COG3: variants seen among roughly 807,000 people sequenced by gnomAD.
COG3 encodes conserved oligomeric Golgi complex subunit 3.
Under a neutral mutation model 114.1 loss-of-function variants are expected in COG3, and 32 were observed. That is an observed-to-expected ratio of 0.28 (90% CI 0.21 to 0.38). The LOEUF is 0.38. Ranked by LOEUF, COG3 falls within the 10% of genes least tolerant of loss-of-function variation. The pLI is 1.00. For synonymous variants in COG3, 352 were observed against 365.7 expected, an observed-to-expected ratio of 0.96 and a Z score of 0.43; for missense variants, 813 against 973.2, an observed-to-expected ratio of 0.84 and a Z score of 2.19.
Position 45,465,141 on chromosome 13 carries a change from G to A in COG3, c.105G>A (p.Leu35=). 1.2e-6 allele frequency: 2 copies of A among 1,613,618 alleles called. No individual in the cohort carries two copies. The highest frequency in any genetic ancestry group is 1.7e-6 in the Non-Finnish European group (2 of 1,179,918). The stretch of plus-strand genomic sequence containing the variant: ...GGAGACCGGACACGACGGCGCCGCT[G>A]ACCGACAGGCAGACGGACTCGGTAT... ...WDRRPDTTAP[L]TDRQTDSVLE... Residue 35 remains leucine (L), a synonymous_variant, in exon 1 of 23, where the codon CTG becomes CTA. Transcript: ENST00000349995.
At chr13:45,509,870 A>G (rs1870663693) in intron 15 of COG3, 54 bp downstream of exon 15, 2 of 1,447,380 alleles carry the variant, frequency 1.4e-6, no homozygotes, top group Non-Finnish European at 1.9e-6. Context: ...ATATTTTTAA[A>G]TTTACATTTT....
intron 19 of COG3, among the ~76,000 whole-genome samples, chr13:45,521,684 T>C (rs1872160532): frequency 6.6e-6 from 1 of 152,198 alleles, no homozygotes; most frequent in South Asian, 2.1e-4. Flanking sequence ...ACTAGCATTC[T>C]GAATAGCAGA....
At chr13:45,465,401 TC>T in intron 1 of COG3, 191 bp downstream of exon 1, 1 of 978,110 alleles carries the variant, frequency 1.0e-6, no homozygotes, top group Non-Finnish European at 1.4e-6. Flanking sequence ...CGACCCCGAC[TC>T]TAATTCTGCC....
chr13:45,518,253 G>A (rs1871751227), intron 17 of COG3, among the ~76,000 whole-genome samples: 2 of 152,114 alleles, frequency 1.3e-5, no homozygotes, highest in Admixed American at 1.3e-4. Context: ...ATATTGTATT[G>A]CATTTGAACA....
chr13:45,498,528 G>T (rs1456905975), intron 13 of COG3, among the ~76,000 whole-genome samples: 1 of 151,874 alleles, frequency 6.6e-6, no homozygotes, highest in East Asian at 1.9e-4. Flanking sequence ...TCATTCTTCT[G>T]CATGTGGCTA....
At chr13:45,484,577 CTTATTTATTTATTTAT>C (rs200717475) in intron 7 of COG3, among the ~76,000 whole-genome samples, 20 of 137,314 alleles carry the variant, frequency 1.5e-4, no homozygotes, top group South Asian at 4.4e-4. Context: ...CCTAAGCTTG[CTTATTTATTTATTTAT>C]TTATTTATTT....
In COG3 at chr13:45,491,498, C is replaced by T. The variant is rs765646973; in HGVS notation, c.1055C>T (p.Ala352Val). The part of the protein sequence containing the change: ...LLGPSIACTV[A>V]ELTSQNNRDH... ...GGCCCTAGTATTGCTTGCACTGTTG[C>T]AGAGTTAACCAGCCAAAATAATAGA... The change falls in exon 10 of 23, where the codon GCA becomes GTA. Residue 352 changes from alanine (A) to valine (V), a missense_variant. Physicochemically the swap from Ala to Val is moderately conservative, Grantham distance 64. This residue lies in a region of COG3 where 424 missense variants were observed against 430.6 expected (regional missense o/e 0.98). Coordinates refer to ENST00000349995, the MANE Select transcript of COG3 (RefSeq NM_031431.4). 23 of 1,613,396 alleles carry T rather than the reference C, an allele frequency of 1.4e-5. No homozygotes were observed. Among genetic ancestry groups the T allele is most frequent in the Non-Finnish European group, 1.9e-5 (23 of 1,179,596 alleles).
intron 5 of COG3, among the ~76,000 whole-genome samples, 200 bp downstream of exon 5, chr13:45,481,504 T>C (rs1009394384): frequency 2.6e-5 from 4 of 152,206 alleles, no homozygotes; most frequent in Non-Finnish European, 4.4e-5. Flanking sequence ...GATGTGTTTC[T>C]TAAATTGTAT....
chr13:45,515,531 A>T (rs947642918), intron 16 of COG3, among the ~76,000 whole-genome samples: 2 of 152,184 alleles, frequency 1.3e-5, no homozygotes, highest in Admixed American at 1.3e-4. Flanking sequence ...AGGTTTGAGA[A>T]CGGAGTTTGA....
At chr13:45,496,031 C>G in intron 12 of COG3, 121 bp from the exon 13 acceptor site, 1 of 822,956 alleles carries the variant, frequency 1.2e-6, no homozygotes, top group Non-Finnish European at 1.8e-6. Flanking sequence ...AGAATACAAT[C>G]ACAGCCTCTG....
chr13:45,480,495 AG>A (rs1200212429), intron 4 of COG3, among the ~76,000 whole-genome samples: 4 of 152,096 alleles, frequency 2.6e-5, no homozygotes, highest in African/African-American at 9.7e-5. Flanking sequence ...TTATGTTTTG[AG>A]CTGTTAGGTC....
Position 45,496,292 on chromosome 13 carries a change from G to C in COG3, c.1468G>C (p.Asp490His), listed in dbSNP as rs185737568. The C allele has an allele frequency of 3.1e-6, 5 of 1,594,332 alleles. No individual in the cohort carries two copies. The East Asian group carries it at 1.1e-4, about 37-fold the overall frequency. Residue 490 changes from aspartate (D) to histidine (H), a missense_variant, in exon 13 of 23, where the codon GAT becomes CAT. Asp to His is a moderately conservative substitution (Grantham distance 81). Coordinates refer to ENST00000349995, the MANE Select transcript of COG3 (RefSeq NM_031431.4). ...KPAPGDLAYPDKLVMMEQIAQ... is the reference protein window; with the variant it reads ...KPAPGDLAYPHKLVMMEQIAQ... Reference sequence around the variant, plus strand: ...AGCTCCTGGAGATCTGGCATATCCCGATAAGTTAGTCATGATGGAGGTAGG... The same window carrying C: ...AGCTCCTGGAGATCTGGCATATCCCCATAAGTTAGTCATGATGGAGGTAGG...
intron 13 of COG3, among the ~76,000 whole-genome samples, chr13:45,500,244 A>G (rs971894111): frequency 3.9e-5 from 6 of 152,136 alleles, no homozygotes; most frequent in Non-Finnish European, 8.8e-5. Context: ...AAAAAATATA[A>G]TCTTGAGAAA....
chr13:45,494,353 C>T (rs1015741662), intron 12 of COG3, among the ~76,000 whole-genome samples: 6 of 149,140 alleles, frequency 4.0e-5, no homozygotes, highest in Non-Finnish European at 7.4e-5. Flanking sequence ...AACAACCTTT[C>T]AAGTAATTAT....
At chr13:45,503,571 C>T (rs764928780) in intron 14 of COG3, among the ~76,000 whole-genome samples, 4 of 151,972 alleles carry the variant, frequency 2.6e-5, no homozygotes, top group Admixed American at 6.6e-5. Flanking sequence ...ATGGAAATTG[C>T]GAAGGGAGAT....
In COG3 at chr13:45,505,319, A is replaced by G. The variant is rs1225632958; in HGVS notation, c.1594+1970A>G. Among the ~76,000 whole-genome samples the G allele has an allele frequency of 3.8e-3, 457 of 119,172 alleles. 3 individuals are homozygous for G. Among genetic ancestry groups the G allele is most frequent in the Non-Finnish European group, 4.6e-3 (252 of 55,330 alleles). 78.2% of individuals were successfully genotyped at this position (119,172 alleles called of 152,430 possible). On this transcript the variant is annotated intron_variant, in intron 14 of 22. Coordinates refer to ENST00000349995, the MANE Select transcript of COG3 (RefSeq NM_031431.4). ...AATCCTGCTTCCTTTTTTTTTTTTG[A>G]GAGACAGAGTCTCACTCTGTTGCCC...
At chr13:45,488,788 G>A (rs1886830730) in intron 8 of COG3, among the ~76,000 whole-genome samples, 2 of 151,852 alleles carry the variant, frequency 1.3e-5, no homozygotes, top group South Asian at 2.1e-4. Context: ...ACATTTAATT[G>A]AAGCTGGTGC....
chr13:45,522,368 G>T (rs1872253936), intron 19 of COG3, among the ~76,000 whole-genome samples: 1 of 152,102 alleles, frequency 6.6e-6, no homozygotes, highest in African/African-American at 2.4e-5. Flanking sequence ...AAGAGTTGGG[G>T]TCTGATTTGG....
intron 2 of COG3, among the ~76,000 whole-genome samples, chr13:45,478,430 C>T (rs1302460354): frequency 1.3e-5 from 2 of 151,544 alleles, no homozygotes; most frequent in African/African-American, 2.4e-5. Context: ...CCGCTCGCCT[C>T]GGCCTCCGAA....
Sources: allele counts gnomAD v4.1 joint callset (sites outside exome capture counted in the v4.1 genomes callset), GRCh38; gene constraint gnomAD v4.1.1; regional missense constraint gnomAD v4.1.1; transcripts MANE v1.5; gene names NCBI Gene and HGNC (gene_info 2026-07-23, HGNC 2026-07-21).